The following GRIA3 variants were observed in gnomAD, a reference collection of about 807,000 sequenced individuals.
The protein encoded by GRIA3 is glutamate ionotropic receptor AMPA type subunit 3, also known as glutamate receptor 3.
Under a neutral mutation model 63.0 loss-of-function variants are expected in GRIA3, and 3 were observed. The ratio of observed to expected loss-of-function variants is 0.05; its 90% CI spans 0.02 to 0.12. The LOEUF (loss-of-function observed/expected upper bound fraction) is 0.12. GRIA3 is among the 10% of genes least tolerant of loss of function. The probability of loss-of-function intolerance (pLI) is 1.00; values close to 1 mark genes in which losing one functional copy is unlikely to be tolerated. For missense variants in GRIA3, 347 were observed against 700.9 expected, an observed-to-expected ratio of 0.50 and a Z score of 5.70; for synonymous variants, 274 against 257.9, an observed-to-expected ratio of 1.06 and a Z score of -0.60.
At chrX:123,328,162 T>C (rs762274873) in intron 4 of GRIA3, among the ~76,000 whole-genome samples, 2 of 111,730 alleles carry the variant, frequency 1.8e-5, no homozygotes, top group Non-Finnish European at 3.8e-5. Context: ...TATATAATTG[T>C]GGGACCTTGG....
chrX:123,434,115 C>T (rs1453636936), intron 12 of GRIA3, among the ~76,000 whole-genome samples: 1 of 111,545 alleles, frequency 9.0e-6, no homozygotes, highest in African/African-American at 3.3e-5. Context: ...AAAAATCTTT[C>T]CACAAGCGCA....
At chrX:123,438,679 C>T (rs778664579) in intron 12 of GRIA3, among the ~76,000 whole-genome samples, 23 of 112,104 alleles carry the variant, frequency 2.1e-4, no homozygotes, top group African/African-American at 5.8e-4. Flanking sequence ...CATGCCACCA[C>T]GCCCAACTAA....
intron 4 of GRIA3, among the ~76,000 whole-genome samples, chrX:123,343,593 CAGAGAG>C (rs746329134): frequency 9.7e-5 from 10 of 102,721 alleles, no homozygotes; most frequent in East Asian, 3.0e-4. Flanking sequence ...GAGAGAAAGA[CAGAGAG>C]AGAGAGAGAG....
At chrX:123,398,466 T>C (rs1463643109) in intron 6 of GRIA3, among the ~76,000 whole-genome samples, 170 bp from the exon 7 acceptor site, 1 of 111,967 alleles carries the variant, frequency 8.9e-6, no homozygotes, top group Non-Finnish European at 1.9e-5. Context: ...AGGTAAGAAC[T>C]ATCACTGTAG....
At chrX:123,412,176 C>T (rs1365929845) in intron 10 of GRIA3, among the ~76,000 whole-genome samples, 2 of 111,690 alleles carry the variant, frequency 1.8e-5, no homozygotes, top group East Asian at 2.8e-4. Context: ...CTATGGCAAT[C>T]CCAGGAGAGC....
At chrX:123,234,857 T>C (rs2044294103) in intron 2 of GRIA3, among the ~76,000 whole-genome samples, 1 of 111,767 alleles carries the variant, frequency 8.9e-6, no homozygotes, top group Non-Finnish European at 1.9e-5. Flanking sequence ...TAAAGACGAA[T>C]AACTGGATCG....
At chrX:123,363,321 C>A (rs1185489073) in intron 5 of GRIA3, among the ~76,000 whole-genome samples, 1 of 112,130 alleles carries the variant, frequency 8.9e-6, no homozygotes, top group Non-Finnish European at 1.9e-5. Flanking sequence ...TCCCCCTGTA[C>A]AAAATGTGCC....
At chrX:123,184,860 G>C in intron 1 of GRIA3, 1 of 494,636 alleles carries the variant, frequency 2.0e-6, no homozygotes, top group Non-Finnish European at 3.6e-6. Flanking sequence ...GGACAAGAGA[G>C]GGGTCTCCTG....
At chrX:123,231,399 C>T (rs2044275497) in intron 2 of GRIA3, among the ~76,000 whole-genome samples, 1 of 111,302 alleles carries the variant, frequency 9.0e-6, no homozygotes, top group Non-Finnish European at 1.9e-5. Flanking sequence ...ATCCAGAGCT[C>T]TTGAATGCTA....
chrX:123,188,942 C>A (rs376697646), intron 2 of GRIA3, among the ~76,000 whole-genome samples: 1 of 112,026 alleles, frequency 8.9e-6, no homozygotes, highest in Non-Finnish European at 1.9e-5. Context: ...GGTTTCCTTG[C>A]GATGAATCCC....
chrX:123,187,339 G>T (rs1927306961), intron 2 of GRIA3, among the ~76,000 whole-genome samples: 1 of 112,229 alleles, frequency 8.9e-6, no homozygotes, highest in Non-Finnish European at 1.9e-5. Flanking sequence ...TGAAGATACA[G>T]ATCCTTATAT....
intron 12 of GRIA3, among the ~76,000 whole-genome samples, chrX:123,463,670 AAGAAAGAAAGAAAGAG>A (rs2045813428): frequency 1.7e-5 from 1 of 57,514 alleles, no homozygotes; most frequent in African/African-American, 8.9e-5. Context: ...GAAAGAAAGA[AAGAAAGAAAGAAAGAG>A]AGAGAAAGAA....
At chrX:123,369,351 C>A (rs901556666) in intron 5 of GRIA3, among the ~76,000 whole-genome samples, 6 of 112,162 alleles carry the variant, frequency 5.3e-5, no homozygotes, top group African/African-American at 1.9e-4. Context: ...TTTTTGTAGG[C>A]TAGTCAAGTG....
At chrX:123,456,678 A>G (rs1427237390) in intron 12 of GRIA3, among the ~76,000 whole-genome samples, 5 of 111,425 alleles carry the variant, frequency 4.5e-5, no homozygotes, top group African/African-American at 1.6e-4. Flanking sequence ...AGAAGAAAGG[A>G]GGAAAAGAGG....
chrX:123,366,191 A>G (rs779137245), intron 5 of GRIA3, among the ~76,000 whole-genome samples: 2 of 110,932 alleles, frequency 1.8e-5, no homozygotes, highest in Admixed American at 9.6e-5. Context: ...GACCTCCTAT[A>G]TCATCCTGTG....
At chrX:123,332,431 T>C (rs2044947572) in intron 4 of GRIA3, among the ~76,000 whole-genome samples, 1 of 111,711 alleles carries the variant, frequency 9.0e-6, no homozygotes, top group Admixed American at 9.6e-5. Context: ...CCTCATATTA[T>C]CCCTGTAGGT....
chrX:123,412,515 T>C (rs2045512714), intron 10 of GRIA3, among the ~76,000 whole-genome samples: 1 of 111,731 alleles, frequency 9.0e-6, no homozygotes, highest in Admixed American at 9.5e-5. Context: ...GGCCAAAAAC[T>C]GCCTGTGGGA....
At chrX:123,188,740 G>A (rs902952704) in intron 2 of GRIA3, among the ~76,000 whole-genome samples, 1 of 111,940 alleles carries the variant, frequency 8.9e-6, no homozygotes, top group Admixed American at 9.4e-5. Context: ...CTTAGCACTA[G>A]AATTGATCTC....
chrX:123,472,890 T>C (rs374829211), intron 13 of GRIA3, among the ~76,000 whole-genome samples: 1 of 112,883 alleles, frequency 8.9e-6, no homozygotes, highest in East Asian at 2.8e-4. Context: ...GCACGCATTA[T>C]TGAATTTTCT....
Sources: allele counts gnomAD v4.1 joint callset (sites outside exome capture counted in the v4.1 genomes callset), GRCh38; gene constraint gnomAD v4.1.1; transcripts MANE v1.5; gene names NCBI Gene and HGNC (gene_info 2026-07-23, HGNC 2026-07-21).